ICA1L: variants seen among roughly 807,000 people sequenced by gnomAD.
ICA1L encodes islet cell autoantigen 1-like protein.
In ICA1L, 50 loss-of-function variants were observed where a neutral mutation model predicts 61.3. That is an observed-to-expected ratio of 0.82 (90% CI 0.65 to 1.03). The LOEUF (loss-of-function observed/expected upper bound fraction) is 1.03, where lower values mean the gene tolerates loss of function less well. Ranked by LOEUF, ICA1L falls within the 50% of genes least tolerant of loss-of-function variation. The pLI is 0.00. For synonymous variants in ICA1L, 161 were observed against 191.3 expected (o/e 0.84, Z 1.31); for missense variants, 508 against 556.7 (o/e 0.91, Z 0.88).
chr2:202,786,480 C>T (rs558709210), intron 11 of ICA1L, among the ~76,000 whole-genome samples: 14 of 152,064 alleles, frequency 9.2e-5, no homozygotes, highest in Admixed American at 5.2e-4. Context: ...ACCCGGGAAG[C>T]GGAGCTTGCA....
At chr2:202,786,481 G>A (rs1275398202) in intron 11 of ICA1L, among the ~76,000 whole-genome samples, 2 of 152,036 alleles carry the variant, frequency 1.3e-5, no homozygotes, top group East Asian at 1.9e-4. Flanking sequence ...CCCGGGAAGC[G>A]GAGCTTGCAG....
rs1692252574 is a variant in ICA1L at position 202,777,191 on chromosome 2, T to A, written c.*2342A>T. ...CCTCAGCCTCCTGAGTAGCTGGGATTACAGGCATGTACCTCCACACCTGGC... is the reference window on the plus strand; with the variant it reads ...CCTCAGCCTCCTGAGTAGCTGGGATAACAGGCATGTACCTCCACACCTGGC... On this transcript the variant is annotated 3_prime_UTR_variant, in exon 13 of 13. Transcript: ENST00000358299. 6.6e-6 allele frequency: 1 copy of A among 151,986 alleles called. No homozygotes were observed. Among genetic ancestry groups the A allele is most frequent in the Non-Finnish European group, 1.5e-5 (1 of 68,088 alleles). 9.4% of individuals were successfully genotyped at this position (151,986 alleles called of 1,614,324 possible).
intron 1 of ICA1L, among the ~76,000 whole-genome samples, chr2:202,834,618 A>C (rs1694097826): frequency 6.6e-6 from 1 of 152,062 alleles, no homozygotes; most frequent in Non-Finnish European, 1.5e-5. Context: ...ACAGAGCCAG[A>C]CTCTGTCTCA....
intron 12 of ICA1L, among the ~76,000 whole-genome samples, chr2:202,784,069 G>A (rs1375267087): frequency 6.6e-6 from 1 of 152,174 alleles, no homozygotes; most frequent in African/African-American, 2.4e-5. Flanking sequence ...GGATTCAGAA[G>A]TCAGCCTGAA....
intron 1 of ICA1L, among the ~76,000 whole-genome samples, chr2:202,845,092 A>G (rs1247426457): frequency 6.6e-6 from 1 of 152,158 alleles, no homozygotes; most frequent in Admixed American, 6.5e-5. Flanking sequence ...CCTTAAGAAG[A>G]CCTATGTGAT....
chr2:202,796,275 C>A lies in ICA1L; in HGVS notation c.985+615G>T, dbSNP rs143316309. On this transcript the variant is annotated intron_variant, in intron 10 of 12. Coordinates refer to ENST00000358299, the MANE Select transcript of ICA1L (RefSeq NM_001288622.3). ...CAGATCCAATAAAAGAAAAGATTAA[C>A]CAATTGGACTGTATTTAAAAGCTTT... is the stretch of plus-strand genomic sequence containing the variant. Among the ~76,000 whole-genome samples the A allele has an allele frequency of 1.9e-4, 29 of 152,162 alleles. No homozygotes were observed. In the East Asian group the frequency reaches 5.4e-3, roughly 28 times the overall value.
chr2:202,853,662 G>GA (rs200772347), intron 1 of ICA1L, among the ~76,000 whole-genome samples: 23 of 150,384 alleles, frequency 1.5e-4, no homozygotes, highest in African/African-American at 4.4e-4. Context: ...AAATTTACAA[G>GA]AAAAAAAAAC....
Position 202,775,384 on chromosome 2 carries a change from ATTGT to A in ICA1L, c.*4145_*4148del, listed in dbSNP as rs1242789831. On this transcript the variant is annotated 3_prime_UTR_variant, in exon 13 of 13. Coordinates refer to ENST00000358299, the MANE Select transcript of ICA1L (RefSeq NM_001288622.3). Reference sequence around the variant, plus strand: ...GGTTACATACTATGGCTTATATTTAATTGTTTGTGTCTAGGCTCAGATTTTTGAT... The same window carrying A: ...GGTTACATACTATGGCTTATATTTAATTGTGTCTAGGCTCAGATTTTTGAT... The A allele has an allele frequency of 6.6e-6, 1 of 152,112 alleles. No individual in the cohort carries two copies. The highest frequency in any genetic ancestry group is 1.5e-5 in the Non-Finnish European group (1 of 68,020). The allele number at this position is 152,112 out of a possible 1,614,324, so 9.4% of individuals were successfully genotyped here. A position where few individuals can be genotyped will look rare whatever the true frequency, so the allele number is the denominator to read the frequency against.
At chr2:202,833,614 G>T (rs1482896541) in intron 1 of ICA1L, among the ~76,000 whole-genome samples, 3 of 151,994 alleles carry the variant, frequency 2.0e-5, no homozygotes, top group East Asian at 3.8e-4. Flanking sequence ...AAAATAAAAA[G>T]AAGGAAAGCA....
Position 202,774,317 on chromosome 2 carries a change from G to A in ICA1L, c.*5216C>T, listed in dbSNP as rs951286283. 6 of 1,487,564 alleles carry A rather than the reference G, an allele frequency of 4.0e-6. No homozygotes were observed. The highest frequency in any genetic ancestry group is 5.3e-6 in the Non-Finnish European group (6 of 1,125,782). The allele number at this position is 1,487,564 out of a possible 1,614,324, so 92.1% of individuals were successfully genotyped here. A position where few individuals can be genotyped will look rare whatever the true frequency, so the allele number is the denominator to read the frequency against. ...GGCGACCGCGGACGGCGGCGCGCGC[G>A]TTCCCCGCAGCGCTGAGGCGAGCCT... On this transcript the variant is annotated 3_prime_UTR_variant, in exon 13 of 13. Transcript: ENST00000358299.
Position 202,774,375 on chromosome 2 carries a change from C to CGGAGACCA in ICA1L, c.*5150_*5157dup. Reference sequence around the variant, plus strand: ...GCTCCGCTCAGCGTGGTCTGGCAGCCGGAGACCAGGCCTCACTGCGCCTCC... The same window carrying CGGAGACCA: ...GCTCCGCTCAGCGTGGTCTGGCAGCCGGAGACCAGGAGACCAGGCCTCACTGCGCCTCC... On this transcript the variant is annotated 3_prime_UTR_variant, in exon 13 of 13. Transcript: ENST00000358299. The CGGAGACCA allele has an allele frequency of 2.3e-6, 3 of 1,289,902 alleles. No individual in the cohort carries two copies. The highest frequency in any genetic ancestry group is 3.0e-6 in the Non-Finnish European group (3 of 1,007,192). The allele number at this position is 1,289,902 out of a possible 1,614,324, so 79.9% of individuals were successfully genotyped here.
intron 1 of ICA1L, among the ~76,000 whole-genome samples, chr2:202,860,702 A>G (rs2105888576): frequency 6.6e-6 from 1 of 152,024 alleles, no homozygotes; most frequent in Non-Finnish European, 1.5e-5. Context: ...CAGTGTGCCA[A>G]GATCACGCCA....
At chr2:202,780,272 G>C (rs7559745) in intron 12 of ICA1L, among the ~76,000 whole-genome samples, 124,908 of 151,990 alleles carry the variant, frequency 0.82, 51,685 homozygotes, top group Middle Eastern at 0.88. Context: ...CCAACATTGT[G>C]ATTTTGGTTT....
Position 202,821,370 on chromosome 2 carries a change from G to A in ICA1L, c.347C>T (p.Ser116Leu). The part of the protein sequence containing the change: ...MDATGKALCS[S>L]AKQRLALCTP... ...AACCATGGTAAACCTTTGCTTGGCTGAAGAACAAAGTGCCTTGCCAGTGGC... is the reference window on the plus strand; with the variant it reads ...AACCATGGTAAACCTTTGCTTGGCTAAAGAACAAAGTGCCTTGCCAGTGGC... The change falls in exon 4 of 13, where the codon TCA (serine) becomes TTA (leucine). Residue 116 changes from serine (S) to leucine (L), a missense_variant. Transcript: ENST00000358299. 2 of 1,613,380 alleles carry A rather than the reference G, an allele frequency of 1.2e-6. No individual in the cohort carries two copies. Among genetic ancestry groups the A allele is most frequent in the South Asian group, 1.1e-5 (1 of 90,954 alleles).
chr2:202,793,049 C>T lies in ICA1L; in HGVS notation c.985+3841G>A, dbSNP rs985695684. On this transcript the variant is annotated intron_variant, in intron 10 of 12. Transcript: ENST00000358299. ...GAATTTGGGGGGTAATGGAAACATT[C>T]TAATATCCAACTGTGGTAATGGTTG... Among the ~76,000 whole-genome samples, 3 of 151,990 alleles carry T rather than the reference C, an allele frequency of 2.0e-5. No homozygotes were observed. In the East Asian group the frequency reaches 5.8e-4, roughly 29 times the overall value.
intron 1 of ICA1L, 24 bp downstream of exon 1, chr2:202,871,595 G>C (rs1171030725): frequency 6.6e-6 from 1 of 152,022 alleles, no homozygotes; most frequent in Non-Finnish European, 1.5e-5. Flanking sequence ...GAATAGGGGC[G>C]GACAGGAGGC....
chr2:202,838,143 G>A (rs572200115), intron 1 of ICA1L, among the ~76,000 whole-genome samples: 21 of 152,224 alleles, frequency 1.4e-4, no homozygotes, highest in Admixed American at 6.5e-4. Context: ...TGTAGCCACT[G>A]TTCCCAGCAG....
At chr2:202,851,326 A>G (rs1296161938) in intron 1 of ICA1L, among the ~76,000 whole-genome samples, 2 of 152,150 alleles carry the variant, frequency 1.3e-5, no homozygotes, top group Non-Finnish European at 1.5e-5. Flanking sequence ...CCATGTCCCT[A>G]TAAAGGACAT....
intron 9 of ICA1L, 36 bp from the exon 10 acceptor site, chr2:202,797,000 G>T: frequency 1.4e-6 from 2 of 1,425,382 alleles, no homozygotes; most frequent in Admixed American, 1.9e-5. Context: ...AGTTGAACAA[G>T]AAGAAATTCA....
Sources: gnomAD v4.1 joint callset for allele counts (sites outside exome capture counted in the v4.1 genomes callset) on GRCh38, gnomAD v4.1.1 for gene constraint, MANE v1.5 for transcripts, NCBI Gene and HGNC (gene_info 2026-07-23, HGNC 2026-07-21) for gene names.